MINK1: variants seen among roughly 807,000 people sequenced by gnomAD.
The protein encoded by MINK1 is misshapen like kinase 1.
MINK1 carries 46 observed loss-of-function variants against 178.4 expected under a neutral mutation model. The ratio of observed to expected loss-of-function variants is 0.26; its 90% CI spans 0.20 to 0.33. MINK1 has a LOEUF of 0.33. MINK1 is among the 10% of genes least tolerant of loss of function. MINK1 has a pLI of 1.00. For missense variants in MINK1, 1,366 were observed against 1,814.9 expected (o/e 0.75, Z 4.49); for synonymous variants, 797 against 709.7 (o/e 1.12, Z -1.96).
intron 20 of MINK1, 119 bp downstream of exon 20, chr17:4,893,186 G>A: frequency 6.5e-7 from 1 of 1,535,958 alleles, no homozygotes; most frequent in Non-Finnish European, 8.9e-7. Context: ...TGGGGATGGA[G>A]GGACTGGTGC....
rs1968737198 is a variant in MINK1, at chr17:4,891,057, C to T, written c.1673C>T (p.Pro558Leu). ...CCCATCCCCCAGGCCTCCCCAGGGC[C>T]CCCAGGACCCCTTTCCCAGACTCCT... ...EPPIPQASPG[P>L]PGPLSQTPPM... The change falls in exon 15 of 32, where the codon CCC becomes CTC. Residue 558 changes from proline to leucine, a missense_variant. Pro to Leu is a moderately conservative substitution (Grantham distance 98). Transcript: ENST00000355280. 6.4e-7 allele frequency: 1 copy of T among 1,554,194 alleles called. No homozygotes were observed. The highest frequency in any genetic ancestry group is 8.7e-7 in the Non-Finnish European group (1 of 1,149,194).
In MINK1 at chr17:4,880,969, C is replaced by T; in HGVS notation, c.124-15C>T. Reference sequence around the variant, plus strand: ...CCACCCTCTGAGCATAGACTCAGATCCCTCTGTCCCGCAGGGTCGGCATGT... The same window carrying T: ...CCACCCTCTGAGCATAGACTCAGATTCCTCTGTCCCGCAGGGTCGGCATGT... On this transcript the variant is annotated splice_polypyrimidine_tract_variant and intron_variant, in intron 2 of 31. Coordinates refer to ENST00000355280, the MANE Select transcript of MINK1 (RefSeq NM_153827.5). The T allele has an allele frequency of 6.7e-7, 1 of 1,481,638 alleles. No homozygotes were observed. Among genetic ancestry groups the T allele is most frequent in the Middle Eastern group, 1.8e-4 (1 of 5,678 alleles). 91.8% of individuals were successfully genotyped at this position (1,481,638 alleles called of 1,614,324 possible). A position where few individuals can be genotyped will look rare whatever the true frequency, so the allele number is the denominator to read the frequency against.
At chr17:4,839,190 G>T (rs1037517644) in intron 1 of MINK1, among the ~76,000 whole-genome samples, 1 of 152,096 alleles carries the variant, frequency 6.6e-6, no homozygotes, top group Non-Finnish European at 1.5e-5. Flanking sequence ...TAATCTGCCC[G>T]CCTCAGCCTC....
At chr17:4,892,332 G>C in intron 17 of MINK1, 70 bp from the exon 18 acceptor site, 1 of 1,471,160 alleles carries the variant, frequency 6.8e-7, no homozygotes, top group Non-Finnish European at 9.2e-7. Flanking sequence ...CCTGGGGGTG[G>C]GAAAGCCCCA....
In MINK1 at chr17:4,893,419, G is replaced by C. The variant is rs768894748; in HGVS notation, c.2401-15G>C. On this transcript the variant is annotated splice_polypyrimidine_tract_variant and intron_variant, in intron 20 of 31. Coordinates refer to ENST00000355280, the MANE Select transcript of MINK1 (RefSeq NM_153827.5). ...CCCAGCTTCTCCCTGCCCCTCACGT[G>C]GCTCCTCCCTGCAGGACTTTGTGTT... 13 of 1,598,884 alleles carry C rather than the reference G, an allele frequency of 8.1e-6. No homozygotes were observed. Among genetic ancestry groups the C allele is most frequent in the Non-Finnish European group, 1.1e-5 (13 of 1,167,582 alleles).
chr17:4,865,719 CAAAAA>C (rs141814055), intron 1 of MINK1, among the ~76,000 whole-genome samples: 2 of 101,596 alleles, frequency 2.0e-5, no homozygotes, highest in Admixed American at 1.0e-4. Context: ...CCGTCTCTAC[CAAAAA>C]AAAAAAAAAA....
chr17:4,852,284 T>C (rs1230937391), intron 1 of MINK1, among the ~76,000 whole-genome samples: 2 of 152,118 alleles, frequency 1.3e-5, no homozygotes, highest in East Asian at 3.9e-4. Flanking sequence ...TATTTCTGTA[T>C]TCATTCATTC....
Position 4,895,220 on chromosome 17 carries a change from G to C in MINK1, c.3063G>C (p.Glu1021Asp). Residue 1021 changes from glutamate (E) to aspartate (D), a missense_variant, in exon 25 of 32, where the codon GAG becomes GAC. Coordinates refer to ENST00000355280, the MANE Select transcript of MINK1 (RefSeq NM_153827.5). The surrounding 1 kb of genome is among the most constrained non-coding windows in gnomAD (Gnocchi z 4.3). ...AGTACAAGAAGCGATTCAACTCCGA[G>C]ATCCTCTGTGCAGCCCTTTGGGGTA... is the stretch of plus-strand genomic sequence containing the variant. ...IRKYKKRFNS[E>D]ILCAALWGVN... 1 of 1,614,166 alleles carries C rather than the reference G, an allele frequency of 6.2e-7. No homozygotes were observed. The highest frequency in any genetic ancestry group is 8.5e-7 in the Non-Finnish European group (1 of 1,180,026).
chr17:4,859,971 G>C (rs1274170264), intron 1 of MINK1, among the ~76,000 whole-genome samples: 1 of 149,916 alleles, frequency 6.7e-6, no homozygotes, highest in African/African-American at 2.5e-5. Context: ...GGGCGCGTCC[G>C]GGAACTACTT....
rs369154873 is a variant in MINK1, at chr17:4,893,607, C to A, written c.2564+10C>A. 5.3e-6 allele frequency: 8 copies of A among 1,520,988 alleles called. No homozygotes were observed. Among genetic ancestry groups the A allele is most frequent in the Non-Finnish European group, 6.2e-6 (7 of 1,132,108 alleles). 94.2% of individuals were successfully genotyped at this position (1,520,988 alleles called of 1,614,324 possible). ...ATACCCCTGGGGGCCGGTACGGCAT[C>A]GGGAGTGGGGCCCTCCCACTCCAAG... On this transcript the variant is annotated intron_variant, in intron 21 of 31. Coordinates refer to ENST00000355280, the MANE Select transcript of MINK1 (RefSeq NM_153827.5).
At chr17:4,868,267 G>A (rs551622887) in intron 1 of MINK1, among the ~76,000 whole-genome samples, 4 of 152,216 alleles carry the variant, frequency 2.6e-5, no homozygotes, top group South Asian at 2.1e-4. Flanking sequence ...GTGAGCCACC[G>A]TGCCCAACCC....
At chr17:4,876,082 A>G (rs912190618) in intron 1 of MINK1, among the ~76,000 whole-genome samples, 2 of 151,840 alleles carry the variant, frequency 1.3e-5, no homozygotes, top group African/African-American at 4.8e-5. Context: ...GGCGTGAGCC[A>G]CCGCGCCCGG....
In MINK1 at chr17:4,891,047, TC is replaced by T; in HGVS notation, c.1667del (p.Pro556GlnfsTer34). On this transcript the variant is annotated frameshift_variant, in exon 15 of 32. Transcript: ENST00000355280. LOFTEE classifies it high-confidence loss of function. ...TGPEPPIPQA[S>X]PGPPGPLSQT... ...GCCTGAGCCCCCCATCCCCCAGGCC[TC>T]CCCAGGGCCCCCAGGACCCCTTTCC... 1 of 1,555,072 alleles carries T rather than the reference TC, an allele frequency of 6.4e-7. No homozygotes were observed. Among genetic ancestry groups the T allele is most frequent in the Non-Finnish European group, 8.7e-7 (1 of 1,149,610 alleles).
chr17:4,875,035 T>C (rs1262018278), intron 1 of MINK1: 1 of 520,088 alleles, frequency 1.9e-6, no homozygotes, highest in Non-Finnish European at 3.8e-6. Flanking sequence ...CTAGATCCTT[T>C]TTCCTGTCTC....
chr17:4,889,761 C>A lies in MINK1; in HGVS notation c.1345C>A (p.Gln449Lys). 3.3e-6 allele frequency: 5 copies of A among 1,535,044 alleles called. No homozygotes were observed. The highest frequency in any genetic ancestry group is 4.4e-6 in the Non-Finnish European group (5 of 1,144,282). Residue 449 changes from glutamine to lysine, a missense_variant and splice_region_variant, in exon 13 of 32, where the codon CAG (glutamine) becomes AAG (lysine). Transcript: ENST00000355280. ...EEERRQAERE[Q>K]EYKRKQLEEQ... Reference sequence around the variant, plus strand: ...GGAGCGGCGGCAGGCGGAGCGCGAGCAGGTAGAGCGCCGCACCCGCATCCC... The same window carrying A: ...GGAGCGGCGGCAGGCGGAGCGCGAGAAGGTAGAGCGCCGCACCCGCATCCC...
intron 1 of MINK1, among the ~76,000 whole-genome samples, chr17:4,846,769 C>T (rs910593388): frequency 1.3e-5 from 2 of 152,212 alleles, no homozygotes; most frequent in Non-Finnish European, 2.9e-5. Context: ...CTCCTGGCCT[C>T]AAGTGATCCT....
Position 4,889,731 on chromosome 17 carries a change from G to T in MINK1, c.1315G>T (p.Glu439Ter). ...GGAGGACATGCAGGCTCTGCGGCGG[G>T]AGGAGGAGCGGCGGCAGGCGGAGCG... is the stretch of plus-strand genomic sequence containing the variant. ...RLEDMQALRR[E>*]EERRQAEREQ... The change falls in exon 13 of 32, where the codon GAG becomes TAG. Residue 439 changes from glutamate (E) to a stop codon, truncating the protein, a stop_gained. Transcript: ENST00000355280. LOFTEE classifies it high-confidence loss of function. 1.9e-6 allele frequency: 3 copies of T among 1,547,780 alleles called. No individual in the cohort carries two copies. The highest frequency in any genetic ancestry group is 2.4e-5 in the South Asian group (2 of 84,330).
chr17:4,852,018 A>C (rs908940292), intron 1 of MINK1, among the ~76,000 whole-genome samples: 28 of 151,382 alleles, frequency 1.8e-4, no homozygotes, highest in Non-Finnish European at 2.7e-4. Flanking sequence ...AAAAAAAAAA[A>C]AAAAAAAAAC....
At chr17:4,843,129 A>T (rs116466799) in intron 1 of MINK1, among the ~76,000 whole-genome samples, 1,588 of 152,278 alleles carry the variant, frequency 0.01, 23 homozygotes, top group African/African-American at 0.036. Flanking sequence ...AGTGGAAACT[A>T]CCTGAGCCCC....
Sources: gnomAD v4.1 joint callset for allele counts (sites outside exome capture counted in the v4.1 genomes callset) on GRCh38, gnomAD v4.1.1 for gene constraint, Gnocchi (gnomAD v3.1) non-coding constraint, MANE v1.5 for transcripts, NCBI Gene and HGNC (gene_info 2026-07-23, HGNC 2026-07-21) for gene names.